Variants in UTRN observed in about 807,000 individuals in gnomAD.
The protein encoded by UTRN is dystrophin-related protein 1.
UTRN carries 283 observed loss-of-function variants against 463.9 expected under a neutral mutation model. The observed-to-expected ratio is 0.61, with a 90% CI of 0.55 to 0.67. The LOEUF (loss-of-function observed/expected upper bound fraction) is 0.67. Ranked by LOEUF, UTRN falls within the 30% of genes least tolerant of loss-of-function variation. The probability of loss-of-function intolerance (pLI) is 0.00; values close to 1 mark genes in which losing one functional copy is unlikely to be tolerated. For missense variants in UTRN, 3,922 were observed against 4,084.3 expected, an observed-to-expected ratio of 0.96 and a Z score of 1.08; for synonymous variants, 1,442 against 1,431.5, an observed-to-expected ratio of 1.01 and a Z score of -0.17.
intron 36 of UTRN, 102 bp from the exon 37 acceptor site, chr6:144,514,548 C>T: frequency 8.1e-7 from 1 of 1,242,208 alleles, no homozygotes; most frequent in Non-Finnish European, 1.1e-6. Flanking sequence ...TACTGGGGAT[C>T]CCAGATATTT....
At chr6:144,383,243 G>C (rs528461984) in intron 2 of UTRN, among the ~76,000 whole-genome samples, 1 of 152,244 alleles carries the variant, frequency 6.6e-6, no homozygotes, top group Admixed American at 6.5e-5. Flanking sequence ...ATTTCAGCCT[G>C]TTTAACATTC....
intron 51 of UTRN, among the ~76,000 whole-genome samples, chr6:144,669,448 A>G (rs1780764494): frequency 6.6e-6 from 1 of 152,208 alleles, no homozygotes; most frequent in African/African-American, 2.4e-5. Flanking sequence ...ATATAGTTTT[A>G]TATCCTGTTG....
intron 2 of UTRN, chr6:144,398,159 G>T: frequency 4.0e-6 from 1 of 250,042 alleles, no homozygotes; most frequent in South Asian, 6.3e-5. Context: ...TCCCTGGGGT[G>T]GTGTACCTGC....
At chr6:144,499,802 G>A (rs1169501523) in intron 34 of UTRN, among the ~76,000 whole-genome samples, 6 of 152,000 alleles carry the variant, frequency 3.9e-5, no homozygotes, top group African/African-American at 2.4e-5. Flanking sequence ...AGTGTTTATC[G>A]TTCCCTTCTT....
intron 52 of UTRN, among the ~76,000 whole-genome samples, chr6:144,692,821 A>G (rs1258401113): frequency 6.6e-6 from 1 of 152,038 alleles, no homozygotes; most frequent in Non-Finnish European, 1.5e-5. Flanking sequence ...GTTTGCAACA[A>G]TTTTTTCCCA....
intron 2 of UTRN, among the ~76,000 whole-genome samples, chr6:144,391,884 CCCTCCTTGG>C (rs1166074397): frequency 6.6e-6 from 1 of 152,212 alleles, no homozygotes; most frequent in East Asian, 1.9e-4. Flanking sequence ...TCGTGATCTG[CCCTCCTTGG>C]CCTCCCAAAG....
chr6:144,628,464 T>G (rs1430880867), intron 51 of UTRN, among the ~76,000 whole-genome samples: 1 of 152,206 alleles, frequency 6.6e-6, no homozygotes, highest in Non-Finnish European at 1.5e-5. Context: ...AACCATTGGT[T>G]TCTATCCCAC....
At chr6:144,529,435 G>A (rs1308553524) in intron 41 of UTRN, among the ~76,000 whole-genome samples, 1 of 152,130 alleles carries the variant, frequency 6.6e-6, no homozygotes, top group Non-Finnish European at 1.5e-5. Context: ...TGTCTGAGTG[G>A]GAGCTGCAAG....
At chr6:144,791,312 C>T (rs956175078) in intron 62 of UTRN, among the ~76,000 whole-genome samples, 1 of 152,106 alleles carries the variant, frequency 6.6e-6, no homozygotes, top group Admixed American at 6.5e-5. Flanking sequence ...CCCCATAACA[C>T]CTTCTTCTCT....
At chr6:144,549,942 T>C (rs187714605) in intron 47 of UTRN, among the ~76,000 whole-genome samples, 197 of 152,348 alleles carry the variant, frequency 1.3e-3, no homozygotes, top group Non-Finnish European at 1.2e-3. Flanking sequence ...CCATTTCTTT[T>C]TCTTTTTAAA....
At chr6:144,398,110 G>T in intron 2 of UTRN, 1 of 250,238 alleles carries the variant, frequency 4.0e-6, no homozygotes. Flanking sequence ...TGACTGGGAA[G>T]TAGATGGTTT....
chr6:144,828,422 A>G (rs542130350), intron 68 of UTRN, among the ~76,000 whole-genome samples: 1 of 152,300 alleles, frequency 6.6e-6, no homozygotes, highest in South Asian at 2.1e-4. Context: ...CCTTAGTTGA[A>G]GGGAAGTCAT....
intron 41 of UTRN, among the ~76,000 whole-genome samples, chr6:144,524,393 A>G (rs931660671): frequency 2.6e-5 from 4 of 152,206 alleles, no homozygotes; most frequent in Middle Eastern, 3.4e-3. Context: ...TTGTAAAAAT[A>G]TCCTTCTTTT....
chr6:144,652,996 G>A lies in UTRN; in HGVS notation c.7480-25410G>A, dbSNP rs1778974495. ...TCAGGAAGGTAAATGTGTTTTACTTGGGTATTTTCTATCTAATGATTTAAT... is the reference window on the plus strand; with the variant it reads ...TCAGGAAGGTAAATGTGTTTTACTTAGGTATTTTCTATCTAATGATTTAAT... On this transcript the variant is annotated intron_variant, in intron 51 of 74. Coordinates refer to ENST00000367545, the MANE Select transcript of UTRN (RefSeq NM_007124.3). Among the ~76,000 whole-genome samples, 3 of 152,070 alleles carry A rather than the reference G, an allele frequency of 2.0e-5. No homozygotes were observed. In the South Asian group the frequency reaches 6.2e-4, roughly 32 times the overall value.
At position 144,318,716 on chromosome 6, in the gene UTRN, G is replaced by A. The variant is rs963427611; in HGVS notation, c.79+26809G>A. Among the ~76,000 whole-genome samples, 5 of 152,162 alleles carry A rather than the reference G, an allele frequency of 3.3e-5. No homozygotes were observed. In the South Asian group the frequency reaches 6.2e-4, roughly 19 times the overall value. ...TGACCTCAAGTGATCTGCCTGTCTCGGGCTCCCAAAGTGCTGGGATTACAG... is the reference window on the plus strand; with the variant it reads ...TGACCTCAAGTGATCTGCCTGTCTCAGGCTCCCAAAGTGCTGGGATTACAG... On this transcript the variant is annotated intron_variant, in intron 2 of 74. Transcript: ENST00000367545.
At chr6:144,460,753 G>A (rs1789325886) in intron 21 of UTRN, among the ~76,000 whole-genome samples, 1 of 152,196 alleles carries the variant, frequency 6.6e-6, no homozygotes, top group Non-Finnish European at 1.5e-5. Flanking sequence ...GGGTACCTGG[G>A]CAGCATGGTG....
At chr6:144,558,677 G>A (rs960875393) in intron 50 of UTRN, among the ~76,000 whole-genome samples, 3 of 151,902 alleles carry the variant, frequency 2.0e-5, no homozygotes, top group African/African-American at 7.3e-5. Context: ...GACAAAGCAG[G>A]TTAGAGAATT....
intron 53 of UTRN, among the ~76,000 whole-genome samples, chr6:144,728,758 A>C (rs1382197417): frequency 6.6e-6 from 1 of 152,096 alleles, no homozygotes; most frequent in East Asian, 1.9e-4. Flanking sequence ...ACTATATCTT[A>C]ATTGTGGATT....
intron 47 of UTRN, among the ~76,000 whole-genome samples, chr6:144,549,647 C>G (rs946759764): frequency 2.8e-4 from 43 of 152,182 alleles, no homozygotes; most frequent in African/African-American, 9.9e-4. Context: ...GTTGGGGGAG[C>G]CAGGATGAGG....
Sources: allele counts gnomAD v4.1 joint callset (sites outside exome capture counted in the v4.1 genomes callset), GRCh38; gene constraint gnomAD v4.1.1; transcripts MANE v1.5; gene names NCBI Gene and HGNC (gene_info 2026-07-23, HGNC 2026-07-21).